CALD1: variants seen among roughly 807,000 people sequenced by gnomAD.
CALD1 encodes the protein caldesmon 1.
In CALD1, 33 loss-of-function variants were observed where a neutral mutation model predicts 99.9. The ratio of observed to expected loss-of-function variants is 0.33; its 90% CI spans 0.25 to 0.44. The LOEUF (loss-of-function observed/expected upper bound fraction) is 0.44. Among genes scored for constraint, CALD1 ranks in the 20% least tolerant of loss-of-function variants. The pLI, the probability that CALD1 is intolerant of heterozygous loss-of-function variation, is 1.00. For missense variants in CALD1, 861 were observed against 962.1 expected (o/e 0.89, Z 1.39); for synonymous variants, 310 against 325.0 (o/e 0.95, Z 0.50).
the CALD1 span, among the ~76,000 whole-genome samples, chr7:134,720,718 C>T: frequency 6.6e-6 from 1 of 152,148 alleles, no homozygotes; most frequent in African/African-American, 2.4e-5. Flanking sequence ...TGAAATGTAG[C>T]AGTTGGTCAA....
intron 3 of CALD1, among the ~76,000 whole-genome samples, chr7:134,874,801 T>G (rs1490140796): frequency 6.6e-6 from 1 of 152,196 alleles, no homozygotes; most frequent in Non-Finnish European, 1.5e-5. Context: ...AAGTAAATAT[T>G]TTTACTACAC....
intron 1 of CALD1, among the ~76,000 whole-genome samples, chr7:134,835,207 G>C (rs1799384675): frequency 6.6e-6 from 1 of 152,156 alleles, no homozygotes; most frequent in Admixed American, 6.5e-5. Flanking sequence ...TGCAAGGGTA[G>C]GACAAGGTGA....
intron 4 of CALD1, 23 bp downstream of exon 4, chr7:134,928,923 G>A (rs933410344): frequency 1.9e-6 from 3 of 1,585,880 alleles, no homozygotes; most frequent in Non-Finnish European, 1.7e-6. Context: ...TTGGGACGGG[G>A]AGTTTCTAAC....
At chr7:134,856,936 A>G (rs1464588993) in intron 2 of CALD1, among the ~76,000 whole-genome samples, 1 of 152,216 alleles carries the variant, frequency 6.6e-6, no homozygotes, top group Non-Finnish European at 1.5e-5. Context: ...GTGTGAGCCT[A>G]ATGCGGAGTA....
chr7:134,881,076 C>A (rs990365722), intron 3 of CALD1, among the ~76,000 whole-genome samples: 1 of 152,188 alleles, frequency 6.6e-6, no homozygotes, highest in Non-Finnish European at 1.5e-5. Context: ...TGTCAGTTTT[C>A]CATGAGAACT....
intron 6 of CALD1, among the ~76,000 whole-genome samples, chr7:134,940,259 A>G (rs1183857204): frequency 6.6e-6 from 1 of 152,206 alleles, no homozygotes; most frequent in Non-Finnish European, 1.5e-5. Flanking sequence ...ACAAAAAGCT[A>G]TGTAAATTCA....
upstream of CALD1, among the ~76,000 whole-genome samples, chr7:134,742,156 G>T (rs1024339263): frequency 2.0e-5 from 3 of 152,082 alleles, no homozygotes; most frequent in Non-Finnish European, 2.9e-5. Context: ...AATTTCAAAA[G>T]TCTGTGCACT....
At chr7:134,958,886 T>TATATATATATTTAA (rs1808008510) in intron 11 of CALD1, among the ~76,000 whole-genome samples, 3 of 85,652 alleles carry the variant, frequency 3.5e-5, no homozygotes, top group Admixed American at 1.7e-4. Context: ...TATATATATA[T>TATATATATATTTAA]ATATATATAT....
chr7:134,818,402 G>C (rs1453187068), intron 1 of CALD1, among the ~76,000 whole-genome samples: 3 of 152,152 alleles, frequency 2.0e-5, no homozygotes, highest in African/African-American at 7.2e-5. Flanking sequence ...TTGCTTTCTG[G>C]TAACAAATTA....
At chr7:134,891,488 C>A (rs1361546029) in intron 3 of CALD1, 3 of 1,388,654 alleles carry the variant, frequency 2.2e-6, no homozygotes, top group Non-Finnish European at 1.9e-6. Context: ...AGGGAGAACA[C>A]GGGAGCATCC....
intron 1 of CALD1, among the ~76,000 whole-genome samples, chr7:134,791,678 A>G (rs552810589): frequency 2.2e-4 from 34 of 152,024 alleles, no homozygotes; most frequent in African/African-American, 7.5e-4. Flanking sequence ...AAAAAACAAA[A>G]AACAAAAAAA....
chr7:134,829,215 C>A (rs1411576325), intron 1 of CALD1, among the ~76,000 whole-genome samples: 1 of 152,118 alleles, frequency 6.6e-6, no homozygotes, highest in African/African-American at 2.4e-5. Flanking sequence ...AATATCATTG[C>A]AAATTGTGAT....
At chr7:134,810,625 G>A (rs751864412) in intron 1 of CALD1, among the ~76,000 whole-genome samples, 1 of 152,146 alleles carries the variant, frequency 6.6e-6, no homozygotes, top group Non-Finnish European at 1.5e-5. Flanking sequence ...GATAGCTGAA[G>A]ATCTTCTCTT....
At chr7:134,930,497 C>T (rs1280673777) in intron 4 of CALD1, among the ~76,000 whole-genome samples, 1 of 152,134 alleles carries the variant, frequency 6.6e-6, no homozygotes, top group Non-Finnish European at 1.5e-5. Context: ...GGGTCCTGGC[C>T]TCCTTAACCC....
chr7:134,728,679 C>A, the CALD1 span, among the ~76,000 whole-genome samples: 1 of 152,136 alleles, frequency 6.6e-6, no homozygotes, highest in African/African-American at 2.4e-5. Context: ...GAGTATCTGA[C>A]TGGAAAGACC....
chr7:134,787,678 G>A (rs1797358832), intron 1 of CALD1, among the ~76,000 whole-genome samples: 1 of 152,158 alleles, frequency 6.6e-6, no homozygotes, highest in Admixed American at 6.5e-5. Flanking sequence ...TTTTGCAGAA[G>A]GACAGAAAAT....
intron 3 of CALD1, chr7:134,899,853 C>G (rs758979255): frequency 6.6e-6 from 1 of 152,110 alleles, no homozygotes; most frequent in East Asian, 1.9e-4. Flanking sequence ...CACTATGCTG[C>G]CCAGGCTGCT....
upstream of CALD1, among the ~76,000 whole-genome samples, chr7:134,777,031 C>T (rs1796923969): frequency 6.6e-6 from 1 of 152,070 alleles, no homozygotes; most frequent in African/African-American, 2.4e-5. Context: ...ATATATTTCA[C>T]AGAAATTTCC....
chr7:134,749,654 G>A (rs933238607), intron 1 of CALD1, among the ~76,000 whole-genome samples: 3 of 152,146 alleles, frequency 2.0e-5, no homozygotes, highest in Admixed American at 6.5e-5. Flanking sequence ...GAATGATCCC[G>A]CCTCAGGGGA....
Sources: allele counts gnomAD v4.1 joint callset (sites outside exome capture counted in the v4.1 genomes callset), GRCh38; gene constraint gnomAD v4.1.1; transcripts MANE v1.5; gene names NCBI Gene and HGNC (gene_info 2026-07-23, HGNC 2026-07-21).